Variants in SLC35F2 observed in about 807,000 individuals in gnomAD.
SLC35F2 encodes solute carrier family 35 member F2, also known as queuine/queuosine transporter SLC35F2.
Under a neutral mutation model 38.1 loss-of-function variants are expected in SLC35F2, and 25 were observed. That is an observed-to-expected ratio of 0.66 (90% CI 0.48 to 0.92). The LOEUF (loss-of-function observed/expected upper bound fraction) is 0.92, where lower values mean the gene tolerates loss of function less well. Among genes scored for constraint, SLC35F2 ranks in the 40% least tolerant of loss-of-function variants. The probability of loss-of-function intolerance (pLI) is 0.00; values close to 1 mark genes in which losing one functional copy is unlikely to be tolerated. For synonymous variants in SLC35F2, 173 were observed against 181.7 expected, an observed-to-expected ratio of 0.95 and a Z score of 0.38; for missense variants, 409 against 452.9, an observed-to-expected ratio of 0.90 and a Z score of 0.88.
At chr11:107,833,692 G>A (rs1454892201) in intron 1 of SLC35F2, among the ~76,000 whole-genome samples, 8 of 152,074 alleles carry the variant, frequency 5.3e-5, no homozygotes, top group Non-Finnish European at 1.2e-4. Flanking sequence ...AGGCGAGTTA[G>A]AGAAAACGCC....
At chr11:107,804,915 AT>A in intron 5 of SLC35F2, 145 bp from the exon 6 acceptor site, 1 of 1,177,002 alleles carries the variant, frequency 8.5e-7, no homozygotes, top group Non-Finnish European at 1.2e-6. Flanking sequence ...ACGATCTTTA[AT>A]AAAAATGACA....
chr11:107,803,363 C>CA, intron 6 of SLC35F2: 1 of 985,312 alleles, frequency 1.0e-6, no homozygotes, highest in Non-Finnish European at 1.2e-6. Flanking sequence ...TAAAGGACCT[C>CA]AAAAAATCCA....
chr11:107,811,553 G>T, intron 3 of SLC35F2, 114 bp downstream of exon 3: 1 of 988,922 alleles, frequency 1.0e-6, no homozygotes. Flanking sequence ...ATCCACCTGT[G>T]TTTAGGTTTT....
intron 5 of SLC35F2, 76 bp from the exon 6 acceptor site, chr11:107,804,846 A>T: frequency 7.9e-7 from 1 of 1,262,514 alleles, no homozygotes; most frequent in Non-Finnish European, 1.1e-6. Flanking sequence ...TAGTCACTAT[A>T]CTTCAGCTAA....
chr11:107,858,203 TTCGGTCAAC>T (rs1430913932), intron 1 of SLC35F2, among the ~76,000 whole-genome samples: 1 of 152,192 alleles, frequency 6.6e-6, no homozygotes, highest in Non-Finnish European at 1.5e-5. Flanking sequence ...GATTTCTCAC[TTCGGTCAAC>T]TCTTGAATCA....
At position 107,792,522 on chromosome 11, in the gene SLC35F2, C is replaced by G; in HGVS notation, c.*93G>C. ...GATCCAACCCAGGGTTGTAGAGTGT[C>G]CATTCTGAGTCTGCTATTTCCCCAA... On this transcript the variant is annotated 3_prime_UTR_variant, in exon 8 of 8. Transcript: ENST00000525815. The G allele has an allele frequency of 7.1e-7, 1 of 1,413,490 alleles. No homozygotes were observed. The highest frequency in any genetic ancestry group is 9.5e-7 in the Non-Finnish European group (1 of 1,053,718). The allele number at this position is 1,413,490 out of a possible 1,614,324, so 87.6% of individuals were successfully genotyped here. A position where few individuals can be genotyped will look rare whatever the true frequency, so the allele number is the denominator to read the frequency against.
At chr11:107,843,863 AAAAAAATATATATATAT>A (rs1317821841) in intron 1 of SLC35F2, among the ~76,000 whole-genome samples, 4 of 33,758 alleles carry the variant, frequency 1.2e-4, no homozygotes, top group African/African-American at 4.2e-4. Context: ...AAAAAAAAAA[AAAAAAATATATATATAT>A]ATATATATAT....
intron 1 of SLC35F2, among the ~76,000 whole-genome samples, chr11:107,847,690 C>G (rs967839749): frequency 5.3e-5 from 8 of 152,066 alleles, no homozygotes; most frequent in Admixed American, 3.9e-4. Flanking sequence ...AGAGGGGCAC[C>G]CAACTGAAAA....
At chr11:107,821,477 G>A (rs181922657) in intron 1 of SLC35F2, 2 of 985,344 alleles carry the variant, frequency 2.0e-6, no homozygotes, top group Non-Finnish European at 1.2e-6. Flanking sequence ...GGAGGGGGTA[G>A]GAAATTGAGC....
At chr11:107,826,436 G>C (rs1392705402) in intron 1 of SLC35F2, among the ~76,000 whole-genome samples, 1 of 152,122 alleles carries the variant, frequency 6.6e-6, no homozygotes, top group Non-Finnish European at 1.5e-5. Context: ...TAGAGATAGG[G>C]TTTCTCCATG....
intron 1 of SLC35F2, among the ~76,000 whole-genome samples, chr11:107,849,644 A>G (rs867079301): frequency 0.045 from 2,792 of 62,650 alleles, 35 homozygotes; most frequent in Non-Finnish European, 0.073. Context: ...GTTTTGGGAA[A>G]AAAAAAAAAA....
chr11:107,808,617 T>C (rs1189444572), intron 3 of SLC35F2, among the ~76,000 whole-genome samples: 1 of 152,226 alleles, frequency 6.6e-6, no homozygotes, highest in Non-Finnish European at 1.5e-5. Flanking sequence ...CATTCGATCC[T>C]GTCCACAGTT....
At chr11:107,824,187 A>G (rs1197792129) in intron 1 of SLC35F2, among the ~76,000 whole-genome samples, 1 of 152,200 alleles carries the variant, frequency 6.6e-6, no homozygotes, top group African/African-American at 2.4e-5. Flanking sequence ...GTATTGGTGT[A>G]TATGATCACC....
At chr11:107,850,292 C>G (rs988829188) in intron 1 of SLC35F2, among the ~76,000 whole-genome samples, 3 of 152,136 alleles carry the variant, frequency 2.0e-5, no homozygotes, top group Non-Finnish European at 4.4e-5. Context: ...TGGAAGCTGT[C>G]TGGTTGTCTA....
chr11:107,804,897 T>A (rs1320105369), intron 5 of SLC35F2, 127 bp from the exon 6 acceptor site: 1 of 1,172,136 alleles, frequency 8.5e-7, no homozygotes, highest in African/African-American at 1.6e-5. Flanking sequence ...TCTTAGAATA[T>A]AAAAATAACG....
Position 107,805,507 on chromosome 11 carries a change from C to T in SLC35F2, c.583G>A (p.Val195Ile), listed in dbSNP as rs750176073. Residue 195 changes from valine to isoleucine, a missense_variant, in exon 5 of 8, where the codon GTA (valine) becomes ATA (isoleucine). Physicochemically the swap from Val to Ile is conservative, Grantham distance 29 (BLOSUM62 3). Coordinates refer to ENST00000525815, the MANE Select transcript of SLC35F2 (RefSeq NM_017515.5). ...AGREDNSGSD[V>I]LIGDILVLLG... The stretch of plus-strand genomic sequence containing the variant: ...AGGACCAAGATGTCACCAATCAATA[C>T]ATCACTCCCTGCAGGAAGACAAGCC... 3 of 1,612,308 alleles carry T rather than the reference C, an allele frequency of 1.9e-6. No homozygotes were observed. In the South Asian group the frequency reaches 3.3e-5, roughly 18 times the overall value.
intron 3 of SLC35F2, chr11:107,810,683 G>A: frequency 6.1e-6 from 6 of 984,934 alleles, no homozygotes; most frequent in Non-Finnish European, 7.2e-6. Flanking sequence ...CAAAATCCAA[G>A]AGGTTTCCTG....
At chr11:107,807,601 C>G (rs1193991549) in intron 3 of SLC35F2, among the ~76,000 whole-genome samples, 2 of 149,416 alleles carry the variant, frequency 1.3e-5, no homozygotes, top group African/African-American at 2.5e-5. Flanking sequence ...GAGATGGAGT[C>G]TCGCTCTGTT....
chr11:107,805,705 T>C (rs1043539047), intron 4 of SLC35F2, 190 bp from the exon 5 acceptor site: 2 of 979,330 alleles, frequency 2.0e-6, no homozygotes, highest in African/African-American at 1.8e-5. Flanking sequence ...TTTGAGACAG[T>C]CTTGCTCTGT....
Sources: gnomAD v4.1 joint callset for allele counts (sites outside exome capture counted in the v4.1 genomes callset) on GRCh38, gnomAD v4.1.1 for gene constraint, MANE v1.5 for transcripts, NCBI Gene and HGNC (gene_info 2026-07-23, HGNC 2026-07-21) for gene names.